The following DTNA variants were observed in gnomAD, a reference collection of about 807,000 sequenced individuals.
The protein encoded by DTNA is dystrophin-related protein 3.
A neutral mutation model predicts 100.7 loss-of-function variants in DTNA; 43 were observed. That is an observed-to-expected ratio of 0.43 (90% confidence interval 0.33 to 0.55). DTNA has a LOEUF of 0.55. Ranked by LOEUF, DTNA falls within the 20% of genes least tolerant of loss-of-function variation. The pLI, the probability that DTNA is intolerant of heterozygous loss-of-function variation, is 0.04. For synonymous variants in DTNA, 349 were observed against 347.9 expected, an observed-to-expected ratio of 1.00 and a Z score of -0.04; for missense variants, 798 against 953.9, an observed-to-expected ratio of 0.84 and a Z score of 2.15.
intron 1 of DTNA, among the ~76,000 whole-genome samples, chr18:34,680,948 C>T (rs2078018586): frequency 1.3e-5 from 2 of 152,048 alleles, no homozygotes; most frequent in African/African-American, 2.4e-5. Context: ...CAGAGCCTCT[C>T]CTCCCCTCCT....
rs727505106 is a variant in DTNA at position 34,794,077 on chromosome 18, G to A, written c.189G>A (p.Arg63=). Reference sequence around the variant, plus strand: ...TATGGAATGTCATAGAAGCATTGCGGGAAAATGCTCTGAACAACCTGGACC... The same window carrying A: ...TATGGAATGTCATAGAAGCATTGCGAGAAAATGCTCTGAACAACCTGGACC... ...VDIWNVIEAL[R]ENALNNLDPN... Residue 63 remains arginine, a synonymous_variant, in exon 4 of 23, where the codon CGG becomes CGA. Transcript: ENST00000444659. 1 of 1,614,072 alleles carries A rather than the reference G, an allele frequency of 6.2e-7. No homozygotes were observed. The highest frequency in any genetic ancestry group is 8.5e-7 in the Non-Finnish European group (1 of 1,179,994).
chr18:34,575,411 G>T (rs1816696), intron 1 of DTNA, among the ~76,000 whole-genome samples: 2 of 151,890 alleles, frequency 1.3e-5, no homozygotes, highest in African/African-American at 2.4e-5. Flanking sequence ...CCAACACCTA[G>T]TGACCACTGT....
intron 1 of DTNA, chr18:34,755,656 T>A: frequency 3.1e-6 from 1 of 323,528 alleles, no homozygotes; most frequent in Non-Finnish European, 5.9e-6. Flanking sequence ...AAAGAGAAAC[T>A]GAATGGGAAA....
chr18:34,589,196 A>G (rs2049433875), intron 1 of DTNA, among the ~76,000 whole-genome samples: 1 of 152,036 alleles, frequency 6.6e-6, no homozygotes, highest in Non-Finnish European at 1.5e-5. Context: ...CTTTGTTTTT[A>G]AAATGTATGT....
At chr18:34,870,719 G>A (rs953158796) in intron 17 of DTNA, among the ~76,000 whole-genome samples, 2 of 151,988 alleles carry the variant, frequency 1.3e-5, no homozygotes, top group Non-Finnish European at 2.9e-5. Context: ...TGACACCAGA[G>A]CCACAATGGC....
intron 1 of DTNA, among the ~76,000 whole-genome samples, chr18:34,663,726 A>G (rs1568155511): frequency 6.6e-6 from 1 of 152,232 alleles, no homozygotes; most frequent in Non-Finnish European, 1.5e-5. Flanking sequence ...ATTTCTGACA[A>G]TGATAAAATT....
At chr18:34,539,021 AT>A (rs1248071526) in intron 1 of DTNA, among the ~76,000 whole-genome samples, 14 of 152,174 alleles carry the variant, frequency 9.2e-5, no homozygotes, top group Admixed American at 3.3e-4. Flanking sequence ...TTAAAAGAAT[AT>A]ACAAATGACC....
At chr18:34,782,639 G>C (rs1331469044) in intron 3 of DTNA, among the ~76,000 whole-genome samples, 2 of 152,144 alleles carry the variant, frequency 1.3e-5, no homozygotes, top group Non-Finnish European at 2.9e-5. Flanking sequence ...AGCAGGCTAA[G>C]TAAAGGCACA....
chr18:34,729,126 A>G (rs1449807952), intron 1 of DTNA, among the ~76,000 whole-genome samples: 1 of 152,258 alleles, frequency 6.6e-6, no homozygotes, highest in Admixed American at 6.5e-5. Flanking sequence ...GCAGGAACTC[A>G]TAGGTATAAT....
intron 1 of DTNA, among the ~76,000 whole-genome samples, chr18:34,601,777 T>A (rs1213479397): frequency 6.6e-6 from 1 of 152,212 alleles, no homozygotes; most frequent in African/African-American, 2.4e-5. Context: ...GTCCAGCTTC[T>A]CCACCACTAT....
chr18:34,778,482 A>G (rs1299314801), intron 3 of DTNA, among the ~76,000 whole-genome samples: 3 of 152,350 alleles, frequency 2.0e-5, no homozygotes, highest in East Asian at 1.9e-4. Context: ...ATTTAACTGT[A>G]TGGTTCAGTG....
chr18:34,572,433 G>C (rs899986534), intron 1 of DTNA, among the ~76,000 whole-genome samples: 4 of 152,168 alleles, frequency 2.6e-5, no homozygotes, highest in African/African-American at 9.7e-5. Context: ...ACATATAGCA[G>C]CTCATTTAGT....
intron 1 of DTNA, among the ~76,000 whole-genome samples, chr18:34,577,675 G>C (rs1392445275): frequency 5.3e-5 from 8 of 152,176 alleles, no homozygotes; most frequent in Admixed American, 5.2e-4. Context: ...TTATGAGTGA[G>C]AACATATGAT....
intron 1 of DTNA, among the ~76,000 whole-genome samples, chr18:34,509,674 C>T (rs2040840300): frequency 6.6e-6 from 1 of 152,036 alleles, no homozygotes; most frequent in Admixed American, 6.6e-5. Context: ...TCTAGCTGTT[C>T]TTTTATTGTT....
chr18:34,671,005 G>A (rs2076674219), intron 1 of DTNA, among the ~76,000 whole-genome samples: 1 of 152,232 alleles, frequency 6.6e-6, no homozygotes, highest in Non-Finnish European at 1.5e-5. Flanking sequence ...GTTCGGCTAT[G>A]CCCTTCCCCC....
In DTNA at chr18:34,815,987, C is replaced by T. The variant is rs2095588092; in HGVS notation, c.682C>T (p.Leu228=). 1 of 1,613,662 alleles carries T rather than the reference C, an allele frequency of 6.2e-7. No individual in the cohort carries two copies. The highest frequency in any genetic ancestry group is 1.3e-5 in the African/African-American group (1 of 74,898). Residue 228 remains leucine, a synonymous_variant, in exon 7 of 23, where the codon CTG becomes TTG. Transcript: ENST00000444659. The part of the protein sequence containing the change: ...PPQCLVWLPL[L]HRLANVENVF... ...GCAGTGTCTGGTCTGGTTGCCTCTT[C>T]TGCATCGACTAGCAAATGTGGAAAA...
At position 34,888,165 on chromosome 18, in the gene DTNA, C is replaced by A. The variant is rs1603369263; in HGVS notation, c.*431C>A. The A allele has an allele frequency of 8.1e-6, 8 of 985,814 alleles. No homozygotes were observed. The African/African-American group carries it at 1.0e-4, about 13-fold the overall frequency. 61.1% of individuals were successfully genotyped at this position (985,814 alleles called of 1,614,324 possible). A position where few individuals can be genotyped will look rare whatever the true frequency, so the allele number is the denominator to read the frequency against. ...TTAAACCTTTGCACATGATATTGAA[C>A]CTGTTCAGTTTACAATGACAATATT... is the stretch of plus-strand genomic sequence containing the variant. On this transcript the variant is annotated 3_prime_UTR_variant, in exon 23 of 23. Transcript: ENST00000444659.
intron 1 of DTNA, among the ~76,000 whole-genome samples, chr18:34,716,421 G>C (rs1369921128): frequency 1.3e-5 from 2 of 152,078 alleles, no homozygotes; most frequent in African/African-American, 4.8e-5. Flanking sequence ...AAATTAGCTG[G>C]GCGTGGTGGC....
chr18:34,640,843 GGTTT>G (rs2059194773), intron 1 of DTNA, among the ~76,000 whole-genome samples: 1 of 152,120 alleles, frequency 6.6e-6, no homozygotes, highest in South Asian at 2.1e-4. Flanking sequence ...TAAAAGCAAA[GGTTT>G]GTTTTTTTCT....
Sources: allele counts gnomAD v4.1 joint callset (sites outside exome capture counted in the v4.1 genomes callset), GRCh38; gene constraint gnomAD v4.1.1; transcripts MANE v1.5; gene names NCBI Gene and HGNC (gene_info 2026-07-23, HGNC 2026-07-21).